TPRG1: variants seen among roughly 807,000 people sequenced by gnomAD.
The protein encoded by TPRG1 is tumor protein p63-regulated gene 1 protein.
TPRG1 carries 29 observed loss-of-function variants against 29.3 expected under a neutral mutation model. The ratio of observed to expected loss-of-function variants is 0.99; its 90% CI spans 0.74 to 1.35. The LOEUF (loss-of-function observed/expected upper bound fraction) is 1.35, where lower values mean the gene tolerates loss of function less well. Ranked by LOEUF, TPRG1 falls within the 40% of genes most tolerant of loss-of-function variation. The probability of loss-of-function intolerance (pLI) is 0.00; values close to 1 mark genes in which losing one functional copy is unlikely to be tolerated. For missense variants in TPRG1, 327 were observed against 335.0 expected (o/e 0.98, Z 0.19); for synonymous variants, 130 against 116.8 (o/e 1.11, Z -0.73).
At chr3:189,138,709 G>A (rs1031231606) in intron 3 of TPRG1, among the ~76,000 whole-genome samples, 3 of 152,228 alleles carry the variant, frequency 2.0e-5, no homozygotes, top group African/African-American at 7.2e-5. Flanking sequence ...AAGGGGTCCA[G>A]GGAATTAGAG....
intron 5 of TPRG1, among the ~76,000 whole-genome samples, chr3:189,312,136 T>C (rs1274074318): frequency 9.6e-4 from 34 of 35,576 alleles, no homozygotes; most frequent in African/African-American, 4.5e-3. Flanking sequence ...TTTCTTTCTT[T>C]CTTTCTTTCT....
intron 1 of TPRG1, among the ~76,000 whole-genome samples, chr3:189,100,536 G>T (rs1366774605): frequency 6.6e-6 from 1 of 152,158 alleles, no homozygotes; most frequent in Non-Finnish European, 1.5e-5. Context: ...GGTAATGGTA[G>T]TAAGATAATA....
At position 189,238,814 on chromosome 3, in the gene TPRG1, C is replaced by T; in HGVS notation, c.384C>T (p.Ile128=). 6.2e-7 allele frequency: 1 copy of T among 1,613,842 alleles called. No individual in the cohort carries two copies. Among genetic ancestry groups the T allele is most frequent in the Non-Finnish European group, 8.5e-7 (1 of 1,179,760 alleles). The change falls in exon 4 of 6, where the codon ATC becomes ATT. Residue 128 remains isoleucine, a synonymous_variant. Coordinates refer to ENST00000345063, the MANE Select transcript of TPRG1 (RefSeq NM_198485.4). The part of the protein sequence containing the change: ...KTLLICKYDF[I]MLSCVQLQRI... Reference sequence around the variant, plus strand: ...TCTTGATCTGCAAATACGACTTCATCATGCTGAGTTGTGTGCAGCTGCAGC... The same window carrying T: ...TCTTGATCTGCAAATACGACTTCATTATGCTGAGTTGTGTGCAGCTGCAGC...
chr3:189,011,369 C>T (rs1304256444), intron 3 of TPRG1, among the ~76,000 whole-genome samples: 3 of 152,084 alleles, frequency 2.0e-5, no homozygotes, highest in South Asian at 2.1e-4. Context: ...GCCATTTTCA[C>T]GATATTGATT....
chr3:189,254,098 G>A (rs1742694751), intron 4 of TPRG1, among the ~76,000 whole-genome samples: 1 of 152,142 alleles, frequency 6.6e-6, no homozygotes, highest in African/African-American at 2.4e-5. Flanking sequence ...CTTTGCCCAT[G>A]CCTATGTCCT....
chr3:189,189,876 A>C (rs1484355339), intron 1 of TPRG1, among the ~76,000 whole-genome samples: 1 of 152,216 alleles, frequency 6.6e-6, no homozygotes, highest in Non-Finnish European at 1.5e-5. Flanking sequence ...TCAAACACTA[A>C]TGGCATTTGA....
chr3:189,265,062 T>C (rs531062004), intron 4 of TPRG1, among the ~76,000 whole-genome samples: 32 of 152,334 alleles, frequency 2.1e-4, no homozygotes, highest in Non-Finnish European at 2.1e-4. Flanking sequence ...TTGAAATGTA[T>C]GAATCTAGAA....
intron 4 of TPRG1, among the ~76,000 whole-genome samples, chr3:189,071,959 CCTT>C (rs1302053472): frequency 6.6e-6 from 1 of 152,144 alleles, no homozygotes. Context: ...TCATCTCTGT[CCTT>C]CTTGGTATAT....
intron 3 of TPRG1, among the ~76,000 whole-genome samples, chr3:189,014,667 G>A (rs1712827409): frequency 6.6e-6 from 1 of 152,114 alleles, no homozygotes; most frequent in South Asian, 2.1e-4. Flanking sequence ...GTTCTCACAA[G>A]ATATTGTCAT....
upstream of TPRG1, among the ~76,000 whole-genome samples, chr3:189,169,267 C>A (rs377074377): frequency 6.6e-6 from 1 of 152,142 alleles, no homozygotes; most frequent in Non-Finnish European, 1.5e-5. Context: ...TGGGCTTAAG[C>A]GATTCTCCTG....
chr3:189,127,827 C>T (rs1227692000), intron 2 of TPRG1, among the ~76,000 whole-genome samples: 1 of 152,132 alleles, frequency 6.6e-6, no homozygotes, highest in Non-Finnish European at 1.5e-5. Context: ...TCTAAGTTGT[C>T]TTCCCTCAGA....
chr3:189,287,403 T>TC (rs1007667586), intron 4 of TPRG1, among the ~76,000 whole-genome samples: 17 of 150,000 alleles, frequency 1.1e-4, no homozygotes, highest in East Asian at 1.9e-4. Flanking sequence ...TTTCTTTCTT[T>TC]TTTTTTTTTT....
At chr3:189,209,347 A>G (rs1734903925) in intron 2 of TPRG1, among the ~76,000 whole-genome samples, 1 of 152,234 alleles carries the variant, frequency 6.6e-6, no homozygotes. Context: ...CCTTTTGAAT[A>G]TTACACAGGT....
intron 3 of TPRG1, among the ~76,000 whole-genome samples, chr3:189,139,903 A>G (rs1333410727): frequency 1.3e-5 from 2 of 152,166 alleles, no homozygotes; most frequent in South Asian, 2.1e-4. Flanking sequence ...TTGTTACCAC[A>G]TTGTCAATCC....
intron 4 of TPRG1, among the ~76,000 whole-genome samples, chr3:189,041,441 T>C (rs1184773552): frequency 6.6e-6 from 1 of 152,210 alleles, no homozygotes. Flanking sequence ...TTGGGCAGAT[T>C]ATTTAACAAC....
chr3:189,187,597 G>A (rs551037536), intron 1 of TPRG1, among the ~76,000 whole-genome samples: 23 of 152,160 alleles, frequency 1.5e-4, no homozygotes, highest in African/African-American at 4.6e-4. Flanking sequence ...GATTACAGGC[G>A]TAAGCCACCG....
intron 4 of TPRG1, among the ~76,000 whole-genome samples, chr3:189,035,194 TCTTA>T (rs1361317826): frequency 5.3e-5 from 8 of 152,030 alleles, no homozygotes; most frequent in South Asian, 2.1e-4. Flanking sequence ...GGAAAGGACT[TCTTA>T]CTTAATTAAT....
intron 2 of TPRG1, 50 bp from the exon 3 acceptor site, chr3:189,215,242 G>A (rs370659218): frequency 4.7e-6 from 7 of 1,490,250 alleles, no homozygotes; most frequent in East Asian, 2.3e-5. Flanking sequence ...TCATAAGCGC[G>A]AAGTGGGCTA....
chr3:189,312,169 CTTTCTTTCTTTCTTTTTT>C (rs1560689525), intron 5 of TPRG1, among the ~76,000 whole-genome samples: 50 of 66,014 alleles, frequency 7.6e-4, no homozygotes, highest in African/African-American at 1.4e-3. Flanking sequence ...TTCTTTCTTT[CTTTCTTTCTTTCTTTTTT>C]TCTTTCTTTC....
Sources: gnomAD v4.1 joint callset for allele counts (sites outside exome capture counted in the v4.1 genomes callset) on GRCh38, gnomAD v4.1.1 for gene constraint, MANE v1.5 for transcripts, NCBI Gene and HGNC (gene_info 2026-07-23, HGNC 2026-07-21) for gene names.